TBC1D16: variants seen among roughly 807,000 people sequenced by gnomAD.
TBC1D16 encodes TBC1 domain family member 16, also known as CTD-2529O21.1.
Under a neutral mutation model 74.7 loss-of-function variants are expected in TBC1D16, and 58 were observed. The observed-to-expected ratio is 0.78, with a 90% confidence interval of 0.63 to 0.97. The LOEUF is 0.97. Among genes scored for constraint, TBC1D16 ranks in the 50% least tolerant of loss-of-function variants. The pLI is 0.00. For missense variants in TBC1D16, 1,014 were observed against 1,079.5 expected (o/e 0.94, Z 0.85); for synonymous variants, 493 against 474.7 (o/e 1.04, Z -0.50).
Position 79,941,406 on chromosome 17 carries a change from C to T in TBC1D16, c.2056-299G>A, listed in dbSNP as rs890842899. 1.3e-5 allele frequency among the ~76,000 whole-genome samples: 2 copies of T among 152,280 alleles called. No homozygotes were observed. The highest frequency in any genetic ancestry group is 4.8e-5 in the African/African-American group (2 of 41,542). ...TTCAGGAGGGTGAACAGGACCAACA[C>T]CAGCACAGGGCCGGGTGGCGTCCAG... is the stretch of plus-strand genomic sequence containing the variant. On this transcript the variant is annotated intron_variant, in intron 11 of 11. Transcript: ENST00000310924. The surrounding 1 kb of genome is among the most constrained non-coding windows in gnomAD (Gnocchi z 4.3).
At chr17:79,960,118 T>C (rs1167118813) in intron 3 of TBC1D16, among the ~76,000 whole-genome samples, 1 of 152,048 alleles carries the variant, frequency 6.6e-6, no homozygotes, top group Non-Finnish European at 1.5e-5. Flanking sequence ...TAAGAGATAT[T>C]GTTAAGAAAA....
In TBC1D16 at chr17:80,010,290, C is replaced by G. The variant is rs761192599; in HGVS notation, c.649G>C (p.Ala217Pro). Residue 217 changes from alanine to proline, a missense_variant, in exon 3 of 12, where the codon GCC (alanine) becomes CCC (proline). Physicochemically the swap from Ala to Pro is conservative, Grantham distance 27. Transcript: ENST00000310924. The surrounding 1 kb of genome is among the most constrained non-coding windows in gnomAD (Gnocchi z 8.8). ...GEEDGSLELSAEGVSRDSSFD... is the reference protein window; with the variant it reads ...GEEDGSLELSPEGVSRDSSFD... ...GAGCTGTCTCTGCTCACGCCCTCGG[C>G]TGACAGTTCCAAAGAGCCATCCTCC... 1.1e-5 allele frequency: 18 copies of G among 1,613,032 alleles called. No homozygotes were observed. The highest frequency in any genetic ancestry group is 4.5e-5 in the East Asian group (2 of 44,840).
chr17:80,010,331 C>G lies in TBC1D16; in HGVS notation c.608G>C (p.Arg203Pro). 6.2e-7 allele frequency: 1 copy of G among 1,610,224 alleles called. No individual in the cohort carries two copies. Reference sequence around the variant, plus strand: ...GCCATCCTCCTCCCCGGCCTCGGGCCGCGGCTCCCGCCCCTCCTCGGTGAC... The same window carrying G: ...GCCATCCTCCTCCCCGGCCTCGGGCGGCGGCTCCCGCCCCTCCTCGGTGAC... Reference protein sequence around the residue: ...QDVTEEGREPRPEAGEEDGSL... With the variant: ...QDVTEEGREPPPEAGEEDGSL... The change falls in exon 3 of 12, where the codon CGG becomes CCG. Residue 203 changes from arginine (R) to proline (P), a missense_variant. Physicochemically the swap from Arg to Pro is moderately radical, Grantham distance 103. Coordinates refer to ENST00000310924, the MANE Select transcript of TBC1D16 (RefSeq NM_019020.4). This position sits in a 1 kb window ranked among gnomAD's most constrained non-coding sequence, Gnocchi z 8.8.
rs76508365 is a variant in TBC1D16 at position 80,034,506 on chromosome 17, A to G, written c.-63+1289T>C. 5.2e-4 allele frequency among the ~76,000 whole-genome samples: 79 copies of G among 152,278 alleles called. No individual in the cohort carries two copies. In the East Asian group the frequency reaches 0.014, roughly 26 times the overall value. ...CGTGAGCCACGGCGCCCAGCCATAA[A>G]AACTTTCGCCATAAAAACTTTCGTT... On this transcript the variant is annotated intron_variant, in intron 1 of 11. Coordinates refer to ENST00000310924, the MANE Select transcript of TBC1D16 (RefSeq NM_019020.4).
chr17:80,035,255 A>C lies in TBC1D16; in HGVS notation c.-63+540T>G, dbSNP rs1263869051. On this transcript the variant is annotated intron_variant, in intron 1 of 11. Coordinates refer to ENST00000310924, the MANE Select transcript of TBC1D16 (RefSeq NM_019020.4). The surrounding 1 kb of genome is among the most constrained non-coding windows in gnomAD (Gnocchi z 5.3). ...CTTTTTCTTTTTTTTTTTTTCCCAA[A>C]GGAAAGAACAAGGGAGCCCAGGCGG... Among the ~76,000 whole-genome samples, 1 of 147,290 alleles carries C rather than the reference A, an allele frequency of 6.8e-6. No homozygotes were observed. Among genetic ancestry groups the C allele is most frequent in the Non-Finnish European group, 1.5e-5 (1 of 67,030 alleles).
chr17:79,973,019 T>C lies in TBC1D16; in HGVS notation c.780-20201A>G, dbSNP rs550634100. Among the ~76,000 whole-genome samples the C allele has an allele frequency of 1.1e-3, 164 of 152,032 alleles. 1 individual carries two copies. The highest frequency in any genetic ancestry group is 3.9e-3 in the African/African-American group (162 of 41,462). ...ATCACTTGAACCTGGGAGGCAGAGG[T>C]TGCAGTGAGCCGAGATCGTCCTGCT... is the stretch of plus-strand genomic sequence containing the variant. On this transcript the variant is annotated intron_variant, in intron 3 of 11. Coordinates refer to ENST00000310924, the MANE Select transcript of TBC1D16 (RefSeq NM_019020.4).
chr17:80,022,008 A>G (rs2036305175), intron 1 of TBC1D16, among the ~76,000 whole-genome samples: 1 of 149,300 alleles, frequency 6.7e-6, no homozygotes, highest in Non-Finnish European at 1.5e-5. Context: ...CGGAGGTTTA[A>G]AACTTTTATG....
chr17:80,003,890 A>C (rs1189631641), intron 3 of TBC1D16, among the ~76,000 whole-genome samples: 1 of 152,208 alleles, frequency 6.6e-6, no homozygotes, highest in Non-Finnish European at 1.5e-5. Context: ...TCTCTAAAAA[A>C]TAAAATAAAT....
chr17:79,942,863 T>C (rs1376436519), intron 10 of TBC1D16, among the ~76,000 whole-genome samples: 1 of 152,206 alleles, frequency 6.6e-6, no homozygotes, highest in Non-Finnish European at 1.5e-5. Context: ...CTTTGAGGAC[T>C]CCGCAGCCCT....
Position 79,952,788 on chromosome 17 carries a change from C to T in TBC1D16, c.810G>A (p.Arg270=). Residue 270 remains arginine (R), a synonymous_variant, in exon 4 of 12, where the codon CGG becomes CGA. Coordinates refer to ENST00000310924, the MANE Select transcript of TBC1D16 (RefSeq NM_019020.4). ...GCAGGAGGCCGTTGCTGTCCGGGAA[C>T]CGCAGGCCGGCGTCGGAGCTGGACG... is the stretch of plus-strand genomic sequence containing the variant. ...SPPSSSDAGL[R]FPDSNGLLQT... is the part of the protein sequence containing the mutation. 2 of 1,611,100 alleles carry T rather than the reference C, an allele frequency of 1.2e-6. No individual in the cohort carries two copies. Among genetic ancestry groups the T allele is most frequent in the Admixed American group, 1.7e-5 (1 of 59,938 alleles).
rs1481401241 is a variant in TBC1D16, at chr17:80,001,222, G to A, written c.779+8938C>T. 6.6e-6 allele frequency among the ~76,000 whole-genome samples: 1 copy of A among 152,240 alleles called. No homozygotes were observed. The highest frequency in any genetic ancestry group is 2.4e-5 in the African/African-American group (1 of 41,464). ...AGACCCCTGGCATCGGCCACTCTCT[G>A]GGTGCAGGCGGAGCAGCTGGTGGTG... is the stretch of plus-strand genomic sequence containing the variant. On this transcript the variant is annotated intron_variant, in intron 3 of 11. Transcript: ENST00000310924. The surrounding 1 kb of genome is among the most constrained non-coding windows in gnomAD (Gnocchi z 5.8).
intron 3 of TBC1D16, among the ~76,000 whole-genome samples, chr17:80,006,091 C>T (rs900418971): frequency 6.6e-6 from 1 of 152,176 alleles, no homozygotes; most frequent in African/African-American, 2.4e-5. Context: ...TGGGTGCACC[C>T]GAGTCCTCAC....
rs2035863499 is a variant in TBC1D16 at position 80,010,810 on chromosome 17, G to A, written c.182-53C>T. 7.4e-7 allele frequency: 1 copy of A among 1,351,138 alleles called. No individual in the cohort carries two copies. 83.7% of individuals were successfully genotyped at this position (1,351,138 alleles called of 1,614,324 possible). A position where few individuals can be genotyped will look rare whatever the true frequency, so the allele number is the denominator to read the frequency against. ...TAGAGGCCAGGAGGCTGTGGATGAG[G>A]CCCTTGTGGTACCTTTGGCGAGCTG... On this transcript the variant is annotated intron_variant, in intron 2 of 11. Coordinates refer to ENST00000310924, the MANE Select transcript of TBC1D16 (RefSeq NM_019020.4). The surrounding 1 kb of genome is among the most constrained non-coding windows in gnomAD (Gnocchi z 8.8).
At chr17:79,989,857 C>T (rs2144460848) in intron 3 of TBC1D16, among the ~76,000 whole-genome samples, 1 of 152,270 alleles carries the variant, frequency 6.6e-6, no homozygotes, top group East Asian at 1.9e-4. Context: ...CACTCTAGCG[C>T]CAGCCCTTCT....
Position 79,950,800 on chromosome 17 carries a change from G to A in TBC1D16, c.1090-222C>T, listed in dbSNP as rs1301800013. 2.6e-6 allele frequency: 4 copies of A among 1,535,832 alleles called. No individual in the cohort carries two copies. Among genetic ancestry groups the A allele is most frequent in the East Asian group, 2.4e-5 (1 of 40,904 alleles). Reference sequence around the variant, plus strand: ...TCCCTCTGCGGCTCTCTCCTCCCCGGCCCACTGTGCCGCCGCCCCCCACTC... The same window carrying A: ...TCCCTCTGCGGCTCTCTCCTCCCCGACCCACTGTGCCGCCGCCCCCCACTC... On this transcript the variant is annotated intron_variant, in intron 5 of 11. Transcript: ENST00000310924. The surrounding 1 kb of genome is among the most constrained non-coding windows in gnomAD (Gnocchi z 4.6).
Position 79,947,819 on chromosome 17 carries a change from C to T in TBC1D16, c.1554G>A (p.Leu518=). ...CGGCAGGGTTGTACACGGCGTAGTT[C>T]AGCAGGATCCTCCTGGGAGGCGGTG... ...PNVESMRRIL[L]NYAVYNPAVG... Residue 518 remains leucine (L), a synonymous_variant, in exon 9 of 12, where the codon CTG becomes CTA. Coordinates refer to ENST00000310924, the MANE Select transcript of TBC1D16 (RefSeq NM_019020.4). The T allele has an allele frequency of 6.2e-7, 1 of 1,613,244 alleles. No individual in the cohort carries two copies.
chr17:79,963,081 G>C (rs952809946), intron 3 of TBC1D16, among the ~76,000 whole-genome samples: 4 of 151,712 alleles, frequency 2.6e-5, no homozygotes, highest in South Asian at 2.1e-4. Flanking sequence ...CAGGTGTGGT[G>C]GTGGGCGCCT....
rs1190555083 is a variant in TBC1D16 at position 79,956,523 on chromosome 17, G to A, written c.780-3705C>T. 6.6e-6 allele frequency among the ~76,000 whole-genome samples: 1 copy of A among 152,112 alleles called. No individual in the cohort carries two copies. The highest frequency in any genetic ancestry group is 2.1e-4 in the South Asian group (1 of 4,828). The stretch of plus-strand genomic sequence containing the variant: ...TCTGCCTTGGCCTCCCAAAGTGCTG[G>A]GACTACAGGCGTGAGCCACCACGCT... On this transcript the variant is annotated intron_variant, in intron 3 of 11. Transcript: ENST00000310924. The surrounding 1 kb of genome is among the most constrained non-coding windows in gnomAD (Gnocchi z 4.0).
At chr17:79,951,358 G>A in intron 5 of TBC1D16, 92 bp downstream of exon 5, 9 of 1,481,314 alleles carry the variant, frequency 6.1e-6, no homozygotes, top group Admixed American at 2.1e-5. Flanking sequence ...GGGGCCCGGG[G>A]ACCCCAGACA....
Sources: allele counts gnomAD v4.1 joint callset (sites outside exome capture counted in the v4.1 genomes callset), GRCh38; gene constraint gnomAD v4.1.1; non-coding constraint Gnocchi (gnomAD v3.1); transcripts MANE v1.5; gene names NCBI Gene and HGNC (gene_info 2026-07-23, HGNC 2026-07-21).